Variants in AFAP1L2 observed in about 807,000 individuals in gnomAD.
The protein encoded by AFAP1L2 is actin filament associated protein 1 like 2.
A neutral mutation model predicts 99.3 loss-of-function variants in AFAP1L2; 46 were observed. The ratio of observed to expected loss-of-function variants is 0.46; its 90% CI spans 0.37 to 0.59. The LOEUF is 0.59. AFAP1L2 is among the 20% of genes least tolerant of loss of function. The pLI, the probability that AFAP1L2 is intolerant of heterozygous loss-of-function variation, is 0.00. For missense variants in AFAP1L2, 959 were observed against 1,034.9 expected, an observed-to-expected ratio of 0.93 and a Z score of 1.01; for synonymous variants, 397 against 419.1, an observed-to-expected ratio of 0.95 and a Z score of 0.64.
chr10:114,302,156 G>T, intron 12 of AFAP1L2, 183 bp downstream of exon 12: 1 of 908,086 alleles, frequency 1.1e-6, no homozygotes, highest in Non-Finnish European at 1.7e-6. Context: ...CTTGCTCTTA[G>T]CTCAGCTCCT....
chr10:114,397,186 C>A (rs1485027261), intron 1 of AFAP1L2, among the ~76,000 whole-genome samples: 1 of 152,074 alleles, frequency 6.6e-6, no homozygotes, highest in Non-Finnish European at 1.5e-5. Context: ...GGCTGTGTAA[C>A]CACTACCAAA....
chr10:114,360,520 G>GAT (rs60719137), intron 1 of AFAP1L2, among the ~76,000 whole-genome samples: 1 of 147,032 alleles, frequency 6.8e-6, no homozygotes, highest in Non-Finnish European at 1.5e-5. Context: ...TAGATAGATA[G>GAT]ATAGATAGAT....
At chr10:114,282,154 C>G in the AFAP1L2 span, among the ~76,000 whole-genome samples, 2 of 152,088 alleles carry the variant, frequency 1.3e-5, no homozygotes, top group Non-Finnish European at 2.9e-5. Context: ...CAGGCACATG[C>G]CACCACGCCC....
At chr10:114,286,255 C>A in the AFAP1L2 span, 1 of 1,610,514 alleles carries the variant, frequency 6.2e-7, no homozygotes. Context: ...GGAGCGCCAC[C>A]AGGACAGGCC....
chr10:114,326,102 C>A (rs531554419), intron 4 of AFAP1L2: 24 of 1,235,544 alleles, frequency 1.9e-5, no homozygotes, highest in Non-Finnish European at 2.2e-5. Context: ...CATGGGTCAT[C>A]ATCACCACAG....
intron 1 of AFAP1L2, chr10:114,398,882 C>T: frequency 7.7e-7 from 1 of 1,304,366 alleles, no homozygotes; most frequent in Non-Finnish European, 1.0e-6. Flanking sequence ...TTCTCTGTAC[C>T]ACCAGACAGC....
rs149503674 is a variant in AFAP1L2 at position 114,326,141 on chromosome 10, T to G, written c.316-2880A>C. The G allele has an allele frequency of 4.2e-4, 380 of 909,972 alleles. 2 individuals carry two copies. The highest frequency in any genetic ancestry group is 8.1e-4 in the Middle Eastern group (3 of 3,692). 56.4% of individuals were successfully genotyped at this position (909,972 alleles called of 1,614,324 possible). A position where few individuals can be genotyped will look rare whatever the true frequency, so the allele number is the denominator to read the frequency against. On this transcript the variant is annotated intron_variant, in intron 4 of 18. Transcript: ENST00000304129. ...CTGTCCCTGGGGGCCTCCTGTCCTG[T>G]CTAGGGTGGAGCCAGGCAGTGTTTT...
At chr10:114,290,486 G>A (rs1030615757), downstream of AFAP1L2, 4 of 1,389,336 alleles carry the variant, frequency 2.9e-6, no homozygotes, top group Non-Finnish European at 3.9e-6. Context: ...AAATTATTCA[G>A]TCGTTTACCC....
At chr10:114,293,366 T>G (rs1371000518), downstream of AFAP1L2, among the ~76,000 whole-genome samples, 1 of 152,352 alleles carries the variant, frequency 6.6e-6, no homozygotes, top group African/African-American at 2.4e-5. Flanking sequence ...TGTTCCGGGC[T>G]GGTATTTGGG....
chr10:114,367,432 G>A (rs1371238711), intron 1 of AFAP1L2, among the ~76,000 whole-genome samples: 2 of 152,138 alleles, frequency 1.3e-5, no homozygotes, highest in Admixed American at 1.3e-4. Context: ...TCTGTCTGGG[G>A]CTGTCTCCAC....
chr10:114,302,524 G>C, intron 11 of AFAP1L2, 40 bp from the exon 12 acceptor site: 1 of 1,610,884 alleles, frequency 6.2e-7, no homozygotes. Context: ...GGGCCAGGCA[G>C]TGCTGCCTGG....
intron 6 of AFAP1L2, among the ~76,000 whole-genome samples, chr10:114,314,525 G>C (rs2043804329): frequency 1.3e-5 from 2 of 152,136 alleles, no homozygotes; most frequent in Non-Finnish European, 2.9e-5. Flanking sequence ...AGAAAGGAAG[G>C]ACTCTTCCCC....
intron 1 of AFAP1L2, among the ~76,000 whole-genome samples, chr10:114,359,409 G>A (rs2051887919): frequency 6.6e-6 from 1 of 152,178 alleles, no homozygotes; most frequent in Non-Finnish European, 1.5e-5. Flanking sequence ...AACTTTCCTT[G>A]TACTTCTTAA....
At chr10:114,302,550 A>C in intron 11 of AFAP1L2, 66 bp from the exon 12 acceptor site, 1 of 1,596,636 alleles carries the variant, frequency 6.3e-7, no homozygotes, top group African/African-American at 1.3e-5. Flanking sequence ...GCCCCTCCCC[A>C]CCAGGCCATG....
chr10:114,391,704 G>A (rs1015744320), intron 1 of AFAP1L2, among the ~76,000 whole-genome samples: 2 of 152,198 alleles, frequency 1.3e-5, no homozygotes, highest in East Asian at 1.9e-4. Flanking sequence ...GGATCCAGTG[G>A]CAGCCAGGGT....
chr10:114,340,455 A>T, intron 2 of AFAP1L2, 148 bp downstream of exon 2: 10 of 1,109,770 alleles, frequency 9.0e-6, no homozygotes, highest in Non-Finnish European at 1.3e-5. Flanking sequence ...TGATACCTTG[A>T]TGTTAGACTT....
chr10:114,347,102 T>C (rs1184854267), intron 1 of AFAP1L2, among the ~76,000 whole-genome samples: 1 of 152,216 alleles, frequency 6.6e-6, no homozygotes, highest in Non-Finnish European at 1.5e-5. Flanking sequence ...GCGCTTTATA[T>C]AGAAAGACTG....
intron 2 of AFAP1L2, among the ~76,000 whole-genome samples, chr10:114,335,936 A>G (rs1461516569): frequency 2.0e-5 from 3 of 152,238 alleles, no homozygotes; most frequent in Non-Finnish European, 4.4e-5. Flanking sequence ...GAACTGGAAG[A>G]ACATAAATAG....
chr10:114,288,889 G>T, the AFAP1L2 span: 4 of 1,558,938 alleles, frequency 2.6e-6, no homozygotes, highest in East Asian at 4.5e-5. Context: ...CCGTCGAGGG[G>T]CTCTGACTGG....
Sources: gnomAD v4.1 joint callset for allele counts (sites outside exome capture counted in the v4.1 genomes callset) on GRCh38, gnomAD v4.1.1 for gene constraint, MANE v1.5 for transcripts, NCBI Gene and HGNC (gene_info 2026-07-23, HGNC 2026-07-21) for gene names.